The following DTWD2 variants were observed in gnomAD, a reference collection of about 807,000 sequenced individuals.
DTWD2 encodes DTW motif tRNA-uridine aminocarboxypropyltransferase 2.
Under a neutral mutation model 31.8 loss-of-function variants are expected in DTWD2, and 39 were observed. The observed-to-expected ratio is 1.22, with a 90% CI of 0.95 to 1.60. DTWD2 has a LOEUF of 1.60. Ranked by LOEUF, DTWD2 falls within the 40% of genes most tolerant of loss-of-function variation. The probability of loss-of-function intolerance (pLI) is 0.00; values close to 1 mark genes in which losing one functional copy is unlikely to be tolerated. For synonymous variants in DTWD2, 180 were observed against 142.8 expected (o/e 1.26, Z -1.86); for missense variants, 515 against 381.5 (o/e 1.35, Z -2.92).
chr5:118,984,972 T>A (rs970824895), intron 1 of DTWD2, among the ~76,000 whole-genome samples: 2 of 152,160 alleles, frequency 1.3e-5, no homozygotes, highest in Non-Finnish European at 2.9e-5. Flanking sequence ...GCAAAAGTCA[T>A]GTACAAAAGT....
chr5:118,882,259 G>C (rs1368173117), intron 4 of DTWD2, among the ~76,000 whole-genome samples: 1 of 152,232 alleles, frequency 6.6e-6, no homozygotes, highest in Non-Finnish European at 1.5e-5. Flanking sequence ...CTCACATGCA[G>C]GGCAAGTTGA....
intron 4 of DTWD2, among the ~76,000 whole-genome samples, chr5:118,849,723 G>C (rs1004764758): frequency 2.6e-5 from 4 of 152,152 alleles, no homozygotes; most frequent in Non-Finnish European, 4.4e-5. Context: ...CAAGTCCTTT[G>C]CAGGGACATG....
intron 4 of DTWD2, among the ~76,000 whole-genome samples, chr5:118,893,444 C>G (rs1009475294): frequency 6.8e-6 from 1 of 147,612 alleles, no homozygotes; most frequent in Non-Finnish European, 1.5e-5. Flanking sequence ...CTGAAAAATG[C>G]AATAGAGGAA....
rs189519020 is a variant in DTWD2, at chr5:118,957,129, T to C, written c.219-12480A>G. On this transcript the variant is annotated intron_variant, in intron 1 of 5. Coordinates refer to ENST00000510708, the MANE Select transcript of DTWD2 (RefSeq NM_173666.4). ...GCTTCAAGTACAAATAACAATAATATTCCCATACCCTGCAAAATTGTTTTC... is the reference window on the plus strand; with the variant it reads ...GCTTCAAGTACAAATAACAATAATACTCCCATACCCTGCAAAATTGTTTTC... Among the ~76,000 whole-genome samples, 16 of 152,276 alleles carry C rather than the reference T, an allele frequency of 1.1e-4. No individual in the cohort carries two copies. In the East Asian group the frequency reaches 3.1e-3, roughly 29 times the overall value.
chr5:118,984,451 A>G (rs1367185591), intron 1 of DTWD2, among the ~76,000 whole-genome samples: 5 of 148,732 alleles, frequency 3.4e-5, no homozygotes, highest in Non-Finnish European at 7.4e-5. Context: ...ACAGAGCAAG[A>G]CTCCGTTTCA....
chr5:118,873,210 C>T (rs187979231), intron 4 of DTWD2, among the ~76,000 whole-genome samples: 16 of 152,290 alleles, frequency 1.1e-4, no homozygotes, highest in East Asian at 7.7e-4. Context: ...GAGCACAGCC[C>T]GGAACAGCCA....
intron 1 of DTWD2, among the ~76,000 whole-genome samples, chr5:118,952,394 C>T (rs569721239): frequency 6.6e-6 from 1 of 152,166 alleles, no homozygotes; most frequent in South Asian, 2.1e-4. Flanking sequence ...AGCAAAGGGA[C>T]ATAGGGGTGG....
In DTWD2 at chr5:118,965,975, G is replaced by GA. The variant is rs955663912; in HGVS notation, c.219-21327dup. The stretch of plus-strand genomic sequence containing the variant: ...AATAAATAAATAAATAAAAGAAAAA[G>GA]AAAAAAAAAAAGAGATGCCAGGAAG... On this transcript the variant is annotated intron_variant, in intron 1 of 5. Coordinates refer to ENST00000510708, the MANE Select transcript of DTWD2 (RefSeq NM_173666.4). Among the ~76,000 whole-genome samples, 899 of 142,296 alleles carry GA rather than the reference G, an allele frequency of 6.3e-3. 8 individuals are homozygous for GA. Among genetic ancestry groups the GA allele is most frequent in the African/African-American group, 0.022 (841 of 38,878 alleles). The allele number at this position is 142,296 out of a possible 152,430, so 93.4% of individuals were successfully genotyped here. A position where few individuals can be genotyped will look rare whatever the true frequency, so the allele number is the denominator to read the frequency against.
At chr5:118,978,465 G>A (rs1423828499) in intron 1 of DTWD2, among the ~76,000 whole-genome samples, 1 of 152,060 alleles carries the variant, frequency 6.6e-6, no homozygotes, top group Non-Finnish European at 1.5e-5. Context: ...GAAAAACTTG[G>A]CAATCTACCC....
intron 4 of DTWD2, among the ~76,000 whole-genome samples, chr5:118,866,511 T>C (rs1208664626): frequency 6.6e-6 from 1 of 151,984 alleles, no homozygotes; most frequent in Non-Finnish European, 1.5e-5. Context: ...AAAACATAAA[T>C]GAACATTAAT....
chr5:118,857,985 T>C (rs149024052), intron 4 of DTWD2, among the ~76,000 whole-genome samples: 1 of 152,302 alleles, frequency 6.6e-6, no homozygotes, highest in East Asian at 1.9e-4. Context: ...TTGAATCTTA[T>C]CAGTGGCCTA....
At chr5:118,890,970 G>A (rs1752965793) in intron 4 of DTWD2, among the ~76,000 whole-genome samples, 1 of 152,176 alleles carries the variant, frequency 6.6e-6, no homozygotes, top group African/African-American at 2.4e-5. Flanking sequence ...TAAGCAGATA[G>A]AAGAATAGAG....
At chr5:118,854,090 G>C (rs945405289) in intron 4 of DTWD2, among the ~76,000 whole-genome samples, 1 of 152,118 alleles carries the variant, frequency 6.6e-6, no homozygotes, top group South Asian at 2.1e-4. Context: ...AGTTAATAAA[G>C]TTGAGGTAGC....
rs141109916 is a variant in DTWD2 at position 118,928,604 on chromosome 5, A to G, written c.530T>C (p.Ile177Thr). The change falls in exon 4 of 6, where the codon ATT (isoleucine) becomes ACT (threonine). Residue 177 changes from isoleucine (I) to threonine (T), a missense_variant. Transcript: ENST00000510708. ...CTTAGCCTGGCTCCATGTACCATCA[A>G]TGATGATGATTGTAGAAGGATAAAC... ...SPVYPSTIII[I>T]DGTWSQAKDI... The G allele has an allele frequency of 8.8e-6, 14 of 1,595,814 alleles. No homozygotes were observed. The highest frequency in any genetic ancestry group is 3.4e-5 in the Admixed American group (2 of 59,130).
chr5:118,877,854 A>T (rs1411311991), intron 4 of DTWD2, among the ~76,000 whole-genome samples: 2 of 152,252 alleles, frequency 1.3e-5, no homozygotes, highest in Non-Finnish European at 2.9e-5. Context: ...GTTTCAGGAT[A>T]CAAAATAAAT....
chr5:118,965,129 G>T (rs1338636847), intron 1 of DTWD2, among the ~76,000 whole-genome samples: 1 of 146,268 alleles, frequency 6.8e-6, no homozygotes. Flanking sequence ...CTGCCCAGCT[G>T]CCCCGTCTGA....
chr5:118,949,884 G>A (rs948515403), intron 1 of DTWD2, among the ~76,000 whole-genome samples: 2 of 152,114 alleles, frequency 1.3e-5, no homozygotes, highest in African/African-American at 2.4e-5. Flanking sequence ...AACTGGGCAC[G>A]TGGGGATAAC....
Position 118,846,961 on chromosome 5 carries a change from CACACAT to C in DTWD2, c.726+1123_726+1128del, listed in dbSNP as rs1480665451. 8.2e-4 allele frequency among the ~76,000 whole-genome samples: 120 copies of C among 146,304 alleles called. 3 individuals are homozygous for C. Among genetic ancestry groups the C allele is most frequent in the African/African-American group, 2.9e-3 (113 of 38,522 alleles). ...ACACACACACACACACACACACACACACACATACACACGAAAATCCTAGTTTTTTCA... is the reference window on the plus strand; with the variant it reads ...ACACACACACACACACACACACACACACACACGAAAATCCTAGTTTTTTCA... On this transcript the variant is annotated intron_variant, in intron 5 of 5. Transcript: ENST00000510708.
intron 4 of DTWD2, among the ~76,000 whole-genome samples, chr5:118,864,975 T>C (rs917783639): frequency 2.7e-4 from 41 of 152,244 alleles, no homozygotes; most frequent in African/African-American, 9.6e-4. Flanking sequence ...CCTTTTTGCC[T>C]ACAGAAAGTG....
Sources: gnomAD v4.1 joint callset for allele counts (sites outside exome capture counted in the v4.1 genomes callset) on GRCh38, gnomAD v4.1.1 for gene constraint, MANE v1.5 for transcripts, NCBI Gene and HGNC (gene_info 2026-07-23, HGNC 2026-07-21) for gene names.